C1QTNF3: variants seen among roughly 807,000 people sequenced by gnomAD.
C1QTNF3 encodes C1q and TNF related 3, also known as complement C1q tumor necrosis factor-related protein 3.
In C1QTNF3, 26 loss-of-function variants were observed where a neutral mutation model predicts 32.6. The ratio of observed to expected loss-of-function variants is 0.80; its 90% CI spans 0.58 to 1.11. The LOEUF (loss-of-function observed/expected upper bound fraction) is 1.11, where lower values mean the gene tolerates loss of function less well. Among genes scored for constraint, C1QTNF3 ranks in the 50% least tolerant of loss-of-function variants. The pLI is 0.00. For missense variants in C1QTNF3, 362 were observed against 398.2 expected, an observed-to-expected ratio of 0.91 and a Z score of 0.77; for synonymous variants, 155 against 146.0, an observed-to-expected ratio of 1.06 and a Z score of -0.44.
the C1QTNF3 span, among the ~76,000 whole-genome samples, chr5:34,173,975 T>C: frequency 6.6e-6 from 1 of 152,238 alleles, no homozygotes. Context: ...TGGTGGCTCT[T>C]AGTTGATCAT....
chr5:34,061,784 C>T, the C1QTNF3 span, among the ~76,000 whole-genome samples: 1 of 152,192 alleles, frequency 6.6e-6, no homozygotes, highest in Admixed American at 6.5e-5. Context: ...TCCTCCTAGG[C>T]CTCTGAGCCT....
At chr5:34,040,796 T>C (rs1388226263) in intron 1 of C1QTNF3, among the ~76,000 whole-genome samples, 1 of 148,632 alleles carries the variant, frequency 6.7e-6, no homozygotes, top group Non-Finnish European at 1.5e-5. Context: ...TCACAGGCTT[T>C]CCAGTCTCTG....
chr5:34,025,271 T>TAC (rs1754432421), intron 4 of C1QTNF3, among the ~76,000 whole-genome samples: 1 of 152,310 alleles, frequency 6.6e-6, no homozygotes, highest in East Asian at 1.9e-4. Flanking sequence ...ATTAGACACA[T>TAC]ACACACACAT....
the C1QTNF3 span, among the ~76,000 whole-genome samples, chr5:34,126,057 C>A: frequency 6.6e-6 from 1 of 152,140 alleles, no homozygotes; most frequent in Non-Finnish European, 1.5e-5. Context: ...TGTTCTTTTG[C>A]AAATGCAAAT....
the C1QTNF3 span, among the ~76,000 whole-genome samples, chr5:34,228,959 G>GTT: frequency 1.4e-5 from 2 of 143,250 alleles, no homozygotes; most frequent in Middle Eastern, 3.6e-3. Flanking sequence ...GCCAATTAGA[G>GTT]TTTTTTTTTT....
the C1QTNF3 span, among the ~76,000 whole-genome samples, chr5:34,171,559 A>G: frequency 2.0e-4 from 30 of 152,110 alleles, no homozygotes; most frequent in Non-Finnish European, 2.6e-4. Context: ...TCTAAAACCA[A>G]TTCAGTCTCT....
At chr5:34,233,455 C>T in the C1QTNF3 span, among the ~76,000 whole-genome samples, 1 of 146,150 alleles carries the variant, frequency 6.8e-6, no homozygotes, top group Middle Eastern at 3.4e-3. Context: ...AGAGGCTGTC[C>T]TGATTTGTTA....
At chr5:34,177,633 C>T in the C1QTNF3 span, among the ~76,000 whole-genome samples, 1 of 152,076 alleles carries the variant, frequency 6.6e-6, no homozygotes, top group Admixed American at 6.5e-5. Context: ...ATTACAGGTA[C>T]ATGCCACCAC....
chr5:34,226,191 C>T, the C1QTNF3 span, among the ~76,000 whole-genome samples: 2 of 151,562 alleles, frequency 1.3e-5, no homozygotes, highest in Non-Finnish European at 2.9e-5. Flanking sequence ...GAGAGAATAC[C>T]GACTAACCAA....
the C1QTNF3 span, among the ~76,000 whole-genome samples, chr5:34,144,695 C>A: frequency 6.6e-6 from 1 of 151,954 alleles, no homozygotes; most frequent in Non-Finnish European, 1.5e-5. Context: ...CAGAGAACAT[C>A]AAAATTAAGG....
At chr5:34,023,362 C>T (rs1180724016) in intron 5 of C1QTNF3, among the ~76,000 whole-genome samples, 1 of 152,168 alleles carries the variant, frequency 6.6e-6, no homozygotes, top group Non-Finnish European at 1.5e-5. Context: ...TTTCACCTAC[C>T]CTAACTCATC....
At chr5:34,208,425 C>G in the C1QTNF3 span, among the ~76,000 whole-genome samples, 1 of 135,768 alleles carries the variant, frequency 7.4e-6, no homozygotes, top group Non-Finnish European at 1.6e-5. Flanking sequence ...ATCGTGTACA[C>G]TGTAAGATGA....
chr5:34,022,181 C>T (rs551796709), intron 5 of C1QTNF3, among the ~76,000 whole-genome samples: 10 of 152,214 alleles, frequency 6.6e-5, no homozygotes, highest in South Asian at 2.1e-4. Flanking sequence ...AAGTAAAAGC[C>T]AGCTAAGTAA....
Position 34,042,827 on chromosome 5 carries a change from C to T in C1QTNF3, c.299G>A (p.Gly100Asp). The T allele has an allele frequency of 6.2e-7, 1 of 1,610,496 alleles. No homozygotes were observed. The highest frequency in any genetic ancestry group is 8.5e-7 in the Non-Finnish European group (1 of 1,177,590). ...DDLAQITTFW[G>D]QSPQTGGLPP... The stretch of plus-strand genomic sequence containing the variant: ...TTAGAAGAGAATTCTGAGTACCTGG[C>T]CCCAGAATGTGGTGATCTGGGCTAG... The change falls in exon 1 of 6, where the codon GGC (glycine) becomes GAC (aspartate). Residue 100 changes from glycine to aspartate, a missense_variant. Gly to Asp is a moderately conservative substitution (Grantham distance 94). Transcript: ENST00000382065.
the C1QTNF3 span, among the ~76,000 whole-genome samples, chr5:34,056,789 G>C: frequency 2.0e-5 from 3 of 152,012 alleles, no homozygotes; most frequent in Non-Finnish European, 1.5e-5. Flanking sequence ...GGGATTATAG[G>C]TGTGAGTCTC....
chr5:34,211,004 T>C, the C1QTNF3 span, among the ~76,000 whole-genome samples: 2 of 151,842 alleles, frequency 1.3e-5, no homozygotes, highest in Non-Finnish European at 2.9e-5. Flanking sequence ...CCAAAAACAC[T>C]GCATTTTATT....
chr5:34,067,090 A>G, the C1QTNF3 span, among the ~76,000 whole-genome samples: 8 of 152,186 alleles, frequency 5.3e-5, no homozygotes, highest in Non-Finnish European at 7.3e-5. Context: ...CAAGAGTCAC[A>G]TTTGCTCCAG....
chr5:34,085,025 C>G, the C1QTNF3 span, among the ~76,000 whole-genome samples: 1 of 115,272 alleles, frequency 8.7e-6, no homozygotes, highest in Admixed American at 1.1e-4. Flanking sequence ...GAGTCTCACT[C>G]TGTCGCCCAG....
At chr5:34,094,509 T>C in the C1QTNF3 span, among the ~76,000 whole-genome samples, 1 of 150,680 alleles carries the variant, frequency 6.6e-6, no homozygotes, top group Non-Finnish European at 1.5e-5. Context: ...GTAATATAAA[T>C]GTTAATTTTC....
Sources: allele counts gnomAD v4.1 joint callset (sites outside exome capture counted in the v4.1 genomes callset), GRCh38; gene constraint gnomAD v4.1.1; transcripts MANE v1.5; gene names NCBI Gene and HGNC (gene_info 2026-07-23, HGNC 2026-07-21).